Variants in PODNL1 observed in about 807,000 individuals in gnomAD.
PODNL1 encodes the protein podocan-like protein 1.
PODNL1 carries 50 observed loss-of-function variants against 45.1 expected under a neutral mutation model. That is an observed-to-expected ratio of 1.11 (90% CI 0.88 to 1.40). PODNL1 has a LOEUF of 1.40. Among genes scored for constraint, PODNL1 ranks in the 40% most tolerant of loss-of-function variants. The pLI is 0.00. For missense variants in PODNL1, 788 were observed against 793.3 expected, an observed-to-expected ratio of 0.99 and a Z score of 0.08; for synonymous variants, 406 against 372.5, an observed-to-expected ratio of 1.09 and a Z score of -1.04.
chr19:13,932,190 G>C, intron 8 of PODNL1, 78 bp from the exon 9 acceptor site: 1 of 1,235,100 alleles, frequency 8.1e-7, no homozygotes. Context: ...CAACCTCTCT[G>C]AGAGTCCCCT....
chr19:13,931,821 CA>C lies in PODNL1; in HGVS notation c.1640del (p.Val547GlyfsTer12), dbSNP rs1971958576. 4.9e-6 allele frequency: 6 copies of C among 1,231,720 alleles called. No individual in the cohort carries two copies. In the Admixed American group the frequency reaches 1.3e-4, roughly 26 times the overall value. The allele number at this position is 1,231,720 out of a possible 1,614,324, so 76.3% of individuals were successfully genotyped here. A position where few individuals can be genotyped will look rare whatever the true frequency, so the allele number is the denominator to read the frequency against. ...EAFLGLPNLR[V>X]VDTAGNPEQV... is the part of the protein sequence containing the mutation. ...GCTCCGGATTCCCTGCCGTGTCCAC[CA>C]CACGCAGGTTTGGGAGCCCCAGGAA... On this transcript the variant is annotated frameshift_variant, in exon 10 of 10. Transcript: ENST00000588872. LOFTEE classifies it low-confidence loss of function (END_TRUNC).
chr19:13,938,803 A>T (rs1270054376), upstream of PODNL1, among the ~76,000 whole-genome samples: 1 of 151,590 alleles, frequency 6.6e-6, no homozygotes. Context: ...AATTACATAT[A>T]TCCAGGCATC....
intron 1 of PODNL1, among the ~76,000 whole-genome samples, chr19:13,950,713 G>A (rs138006123): frequency 6.6e-6 from 1 of 152,228 alleles, no homozygotes; most frequent in African/African-American, 2.4e-5. Context: ...CTCCATGGAC[G>A]TAGGGTATGC....
In PODNL1 at chr19:13,932,011, G is replaced by A; in HGVS notation, c.1527C>T (p.Gly509=). The change falls in exon 9 of 10, where the codon GGC becomes GGT. Residue 509 remains glycine, a synonymous_variant. Transcript: ENST00000588872. ...HLEGNRIGHV[G]PEAFLSTPRL... ...GGGGTGTGCTGAGGAAGGCCTCGGGGCCCACGTGGCCGATGCGGTTGCCCT... is the reference window on the plus strand; with the variant it reads ...GGGGTGTGCTGAGGAAGGCCTCGGGACCCACGTGGCCGATGCGGTTGCCCT... 8.1e-7 allele frequency: 1 copy of A among 1,232,432 alleles called. No individual in the cohort carries two copies. The highest frequency in any genetic ancestry group is 1.0e-6 in the Non-Finnish European group (1 of 988,178). The allele number at this position is 1,232,432 out of a possible 1,614,324, so 76.3% of individuals were successfully genotyped here. A position where few individuals can be genotyped will look rare whatever the true frequency, so the allele number is the denominator to read the frequency against.
intron 1 of PODNL1, among the ~76,000 whole-genome samples, chr19:13,946,736 C>G (rs995153336): frequency 1.3e-5 from 2 of 151,962 alleles, no homozygotes; most frequent in Non-Finnish European, 2.9e-5. Flanking sequence ...AAGGGAGAGT[C>G]CAAGTGACGA....
intron 6 of PODNL1, 62 bp from the exon 7 acceptor site, chr19:13,934,055 CG>C: frequency 6.8e-7 from 1 of 1,478,476 alleles, no homozygotes; most frequent in Non-Finnish European, 9.3e-7. Context: ...AAGCCACAGA[CG>C]GCTCTTGAGT....
Position 13,934,352 on chromosome 19 carries a change from G to C in PODNL1, c.553C>G (p.Arg185Gly). Residue 185 changes from arginine to glycine, a missense_variant, in exon 6 of 10, where the codon CGC (arginine) becomes GGC (glycine). Physicochemically the swap from Arg to Gly is moderately radical, Grantham distance 125. Around this residue, in one of 3 missense-constraint regions of PODNL1, gnomAD observed 762 missense variants for 750.9 expected, o/e 1.01. Transcript: ENST00000588872. Reference protein sequence around the residue: ...SNAGLPPDAFRGSEAIATLSL... With the variant: ...SNAGLPPDAFGGSEAIATLSL... ...AGGGTGGCGATGGCCTCGGAGCCGCGGAAGGCGTCGGGGGGCAGGCCAGCG... is the reference window on the plus strand; with the variant it reads ...AGGGTGGCGATGGCCTCGGAGCCGCCGAAGGCGTCGGGGGGCAGGCCAGCG... 4 of 1,554,638 alleles carry C rather than the reference G, an allele frequency of 2.6e-6. No individual in the cohort carries two copies. The highest frequency in any genetic ancestry group is 3.5e-6 in the Non-Finnish European group (4 of 1,152,950).
rs1482672015 is a variant in PODNL1, at chr19:13,933,829, C to T, written c.767+49G>A. On this transcript the variant is annotated intron_variant, in intron 7 of 9. Transcript: ENST00000588872. The surrounding 1 kb of genome is among the most constrained non-coding windows in gnomAD (Gnocchi z 5.2). ...AGGGAAGGGGGACTGAAGGTTGGGA[C>T]CCCCGACTGTAAATTCTCAGCCCCT... is the stretch of plus-strand genomic sequence containing the variant. 7 of 1,488,236 alleles carry T rather than the reference C, an allele frequency of 4.7e-6. No individual in the cohort carries two copies. The highest frequency in any genetic ancestry group is 1.9e-5 in the Admixed American group (1 of 51,346). 92.2% of individuals were successfully genotyped at this position (1,488,236 alleles called of 1,614,324 possible).
rs140001875 is a variant in PODNL1, at chr19:13,934,350, G to T, written c.555C>A (p.Arg185=). ...SNAGLPPDAF[R]GSEAIATLSL... ...TGAGGGTGGCGATGGCCTCGGAGCC[G>T]CGGAAGGCGTCGGGGGGCAGGCCAG... Residue 185 remains arginine (R), a synonymous_variant, in exon 6 of 10, where the codon CGC becomes CGA. Coordinates refer to ENST00000588872, the MANE Select transcript of PODNL1 (RefSeq NM_001370095.3). 5 of 1,556,336 alleles carry T rather than the reference G, an allele frequency of 3.2e-6. No homozygotes were observed. The highest frequency in any genetic ancestry group is 2.4e-5 in the South Asian group (2 of 81,832).
rs758408194 is a variant in PODNL1 at position 13,933,319 on chromosome 19, C to T, written c.904G>A (p.Gly302Arg). ...AACAAATAGCGCAGACCACGCGCCC[C>T]GTGCAGCCGAGCCGCCTCCACCTGC... ...IRQVEAARLHGARGLRYLLLQ... is the reference protein window; with the variant it reads ...IRQVEAARLHRARGLRYLLLQ... The change falls in exon 8 of 10, where the codon GGG (glycine) becomes AGG (arginine). Residue 302 changes from glycine to arginine, a missense_variant. Physicochemically the swap from Gly to Arg is moderately radical, Grantham distance 125. Transcript: ENST00000588872. This position sits in a 1 kb window ranked among gnomAD's most constrained non-coding sequence, Gnocchi z 5.2. 11 of 1,597,966 alleles carry T rather than the reference C, an allele frequency of 6.9e-6. No individual in the cohort carries two copies. In the Admixed American group the frequency reaches 8.5e-5, roughly 12 times the overall value.
In PODNL1 at chr19:13,936,429, T is replaced by G; in HGVS notation, c.257A>C (p.Glu86Ala). 6.2e-7 allele frequency: 1 copy of G among 1,613,454 alleles called. No homozygotes were observed. Among genetic ancestry groups the G allele is most frequent in the Non-Finnish European group, 8.5e-7 (1 of 1,179,634 alleles). ...TCGCAGGCCACTGAGGCGGGACAGC[T>G]CATTGTAGGGGAGTTCCTGGAGCTG... ...NNQLQELPYN[E>A]LSRLSGLRTL... Residue 86 changes from glutamate to alanine, a missense_variant, in exon 3 of 10, where the codon GAG (glutamate) becomes GCG (alanine). Coordinates refer to ENST00000588872, the MANE Select transcript of PODNL1 (RefSeq NM_001370095.3).
chr19:13,933,254 G>C lies in PODNL1; in HGVS notation c.969C>G (p.Ala323=), dbSNP rs10423549. 47 of 1,551,502 alleles carry C rather than the reference G, an allele frequency of 3.0e-5. No homozygotes were observed. The highest frequency in any genetic ancestry group is 4.1e-5 in the Non-Finnish European group (47 of 1,153,748). Residue 323 remains alanine (A), a synonymous_variant, in exon 8 of 10, where the codon GCC becomes GCG. Transcript: ENST00000588872. The surrounding 1 kb of genome is among the most constrained non-coding windows in gnomAD (Gnocchi z 5.2). The part of the protein sequence containing the change: ...HNQLGSSGLP[A]GALRPLRGLH... Reference sequence around the variant, plus strand: ...GGCCCCGCAGCGGCCGCAGAGCCCCGGCGGGCAGCCCTGAGCTCCCCAGCT... The same window carrying C: ...GGCCCCGCAGCGGCCGCAGAGCCCCCGCGGGCAGCCCTGAGCTCCCCAGCT...
At chr19:13,936,275 C>G in intron 3 of PODNL1, 92 bp downstream of exon 3, 1 of 1,275,122 alleles carries the variant, frequency 7.8e-7, no homozygotes, top group East Asian at 2.3e-5. Flanking sequence ...TGCCACAGAG[C>G]TGCCCGCAGA....
upstream of PODNL1, among the ~76,000 whole-genome samples, chr19:13,940,979 G>T (rs570356115): frequency 6.6e-6 from 1 of 152,136 alleles, no homozygotes; most frequent in Non-Finnish European, 1.5e-5. Flanking sequence ...CCAGGAGGTT[G>T]AAGCTGCAGT....
chr19:13,933,384 CG>C lies in PODNL1; in HGVS notation c.838del (p.Arg280GlyfsTer98). ...QLTTVPAGLPRTLAILHLGRN... is the reference protein window; with the variant it reads ...QLTTVPAGLPXTLAILHLGRN... Reference sequence around the variant, plus strand: ...GCCCAGGTGCAGGATAGCCAGGGTCCGGGGCAGGCCGGCGGGCACTGTGGTC... The same window carrying C: ...GCCCAGGTGCAGGATAGCCAGGGTCCGGGCAGGCCGGCGGGCACTGTGGTC... On this transcript the variant is annotated frameshift_variant, in exon 8 of 10. Coordinates refer to ENST00000588872, the MANE Select transcript of PODNL1 (RefSeq NM_001370095.3). LOFTEE classifies it high-confidence loss of function. This position sits in a 1 kb window ranked among gnomAD's most constrained non-coding sequence, Gnocchi z 5.2. 6.2e-7 allele frequency: 1 copy of C among 1,606,654 alleles called. No individual in the cohort carries two copies.
intron 3 of PODNL1, 65 bp from the exon 4 acceptor site, chr19:13,936,109 T>C: frequency 7.2e-7 from 1 of 1,383,936 alleles, no homozygotes; most frequent in Non-Finnish European, 1.0e-6. Flanking sequence ...GAGTCTGGGC[T>C]CCCAGCTGCC....
upstream of PODNL1, among the ~76,000 whole-genome samples, chr19:13,941,515 G>A (rs1972655537): frequency 6.6e-6 from 1 of 151,864 alleles, no homozygotes; most frequent in Non-Finnish European, 1.5e-5. Flanking sequence ...GGGAGGAAGT[G>A]ATCAAGAAAC....
At position 13,937,833 on chromosome 19, in the gene PODNL1, T is replaced by G; in HGVS notation, c.177A>C (p.Arg59=). The part of the protein sequence containing the change: ...DTVDCDGLDL[R]VFPDNITRAA... ...CTCTGGTGATGTTGTCCGGGAACACTCGAAGGTCCAAGCCATCACAGTCCA... is the reference window on the plus strand; with the variant it reads ...CTCTGGTGATGTTGTCCGGGAACACGCGAAGGTCCAAGCCATCACAGTCCA... The change falls in exon 2 of 10, where the codon CGA becomes CGC. Residue 59 remains arginine (R), a synonymous_variant. Transcript: ENST00000588872. The G allele has an allele frequency of 6.3e-7, 1 of 1,596,456 alleles. No individual in the cohort carries two copies. The highest frequency in any genetic ancestry group is 8.5e-7 in the Non-Finnish European group (1 of 1,173,110).
chr19:13,937,759 C>A, intron 2 of PODNL1, 26 bp downstream of exon 2: 2 of 1,552,438 alleles, frequency 1.3e-6, no homozygotes, highest in Non-Finnish European at 8.7e-7. Context: ...GCCCTGCATG[C>A]CCCCACTCCC....
Sources: gnomAD v4.1 joint callset for allele counts (sites outside exome capture counted in the v4.1 genomes callset) on GRCh38, gnomAD v4.1.1 for gene constraint, gnomAD v4.1.1 regional missense constraint, Gnocchi (gnomAD v3.1) non-coding constraint, MANE v1.5 for transcripts, NCBI Gene and HGNC (gene_info 2026-07-23, HGNC 2026-07-21) for gene names.